Variants in CPQ observed in about 807,000 individuals in gnomAD.
CPQ encodes Ser-Met dipeptidase.
Under a neutral mutation model 45.7 loss-of-function variants are expected in CPQ, and 37 were observed. That is an observed-to-expected ratio of 0.81 (90% CI 0.62 to 1.07). The LOEUF (loss-of-function observed/expected upper bound fraction) is 1.07, where lower values mean the gene tolerates loss of function less well. Among genes scored for constraint, CPQ ranks in the 50% least tolerant of loss-of-function variants. The pLI, the probability that CPQ is intolerant of heterozygous loss-of-function variation, is 0.00. For synonymous variants in CPQ, 186 were observed against 205.8 expected, an observed-to-expected ratio of 0.90 and a Z score of 0.82; for missense variants, 537 against 572.9, an observed-to-expected ratio of 0.94 and a Z score of 0.64.
At chr8:96,671,616 A>G (rs1023450170) in intron 1 of CPQ, among the ~76,000 whole-genome samples, 4 of 152,188 alleles carry the variant, frequency 2.6e-5, no homozygotes, top group African/African-American at 9.7e-5. Flanking sequence ...TTATTGTAAT[A>G]CATTAAATTT....
intron 7 of CPQ, among the ~76,000 whole-genome samples, chr8:97,079,656 A>G (rs1187387303): frequency 6.6e-6 from 1 of 152,188 alleles, no homozygotes; most frequent in Admixed American, 6.5e-5. Flanking sequence ...AGACCCAAGA[A>G]GAACAGAGTA....
At chr8:96,872,371 G>A (rs1226360195) in intron 3 of CPQ, among the ~76,000 whole-genome samples, 1 of 151,888 alleles carries the variant, frequency 6.6e-6, no homozygotes, top group East Asian at 1.9e-4. Flanking sequence ...AAGTTTCAGA[G>A]CATTTGGGAT....
chr8:96,681,634 A>G (rs1809153813), intron 1 of CPQ, among the ~76,000 whole-genome samples: 1 of 152,176 alleles, frequency 6.6e-6, no homozygotes, highest in Non-Finnish European at 1.5e-5. Context: ...CTACTTCAGC[A>G]TTGTCTAGTT....
At chr8:96,950,333 G>A (rs1813242696) in intron 4 of CPQ, among the ~76,000 whole-genome samples, 1 of 152,094 alleles carries the variant, frequency 6.6e-6, no homozygotes, top group Non-Finnish European at 1.5e-5. Flanking sequence ...GAACTTGCTG[G>A]ATTCTGAATC....
At position 96,793,090 on chromosome 8, in the gene CPQ, A is replaced by AATAAGATTTGGAGGG. The variant is rs1228748686; in HGVS notation, c.433+7760_433+7761insATAAGATTTGGAGGG. ...CCTCAATAAGATTTGGGTGGGACAC[A>AATAAGATTTGGAGGG]GCCAAGCCATATACATAATGAATGA... On this transcript the variant is annotated intron_variant, in intron 2 of 7. Transcript: ENST00000220763. 2.0e-5 allele frequency among the ~76,000 whole-genome samples: 3 copies of AATAAGATTTGGAGGG among 152,124 alleles called. No homozygotes were observed. The South Asian group carries it at 6.2e-4, about 32-fold the overall frequency.
At chr8:96,826,988 C>T (rs774121439) in intron 2 of CPQ, among the ~76,000 whole-genome samples, 2 of 151,998 alleles carry the variant, frequency 1.3e-5, no homozygotes, top group Non-Finnish European at 2.9e-5. Context: ...CATAGTATTC[C>T]ACGGTGTATA....
chr8:97,139,272 G>A (rs193094142), intron 7 of CPQ, among the ~76,000 whole-genome samples: 64 of 152,090 alleles, frequency 4.2e-4, no homozygotes, highest in Non-Finnish European at 7.4e-4. Flanking sequence ...CTGGAACTAC[G>A]GAATATTCAA....
At position 97,100,124 on chromosome 8, in the gene CPQ, C is replaced by T. The variant is rs188531328; in HGVS notation, c.1255+33914C>T. ...ATGTGAACACTAAAAGTGGGAACCCCAACTGGAACATAAGTTCCACGAGAG... is the reference window on the plus strand; with the variant it reads ...ATGTGAACACTAAAAGTGGGAACCCTAACTGGAACATAAGTTCCACGAGAG... On this transcript the variant is annotated intron_variant, in intron 7 of 7. Transcript: ENST00000220763. Among the ~76,000 whole-genome samples the T allele has an allele frequency of 2.7e-3, 410 of 152,264 alleles. 5 individuals are homozygous for T. Among genetic ancestry groups the T allele is most frequent in the African/African-American group, 9.5e-3 (394 of 41,558 alleles).
In CPQ at chr8:97,068,180, A is replaced by G. The variant is rs1048880290; in HGVS notation, c.1255+1970A>G. ...TTTTTCCTTCACATGTACGTGTTGTATAAGAATGGTTCTGTTTGGAGTGAT... is the reference window on the plus strand; with the variant it reads ...TTTTTCCTTCACATGTACGTGTTGTGTAAGAATGGTTCTGTTTGGAGTGAT... On this transcript the variant is annotated intron_variant, in intron 7 of 7. Coordinates refer to ENST00000220763, the MANE Select transcript of CPQ (RefSeq NM_016134.4). 2.4e-4 allele frequency among the ~76,000 whole-genome samples: 37 copies of G among 152,170 alleles called. 1 individual carries two copies. Among genetic ancestry groups the G allele is most frequent in the Admixed American group, 2.2e-3 (33 of 15,282 alleles).
chr8:97,119,365 C>T (rs1205694836), intron 7 of CPQ, among the ~76,000 whole-genome samples: 1 of 149,312 alleles, frequency 6.7e-6, no homozygotes, highest in African/African-American at 2.5e-5. Context: ...GTCCAAGATC[C>T]AGGATTCTTT....
intron 1 of CPQ, among the ~76,000 whole-genome samples, chr8:96,771,552 A>C (rs1258432274): frequency 6.6e-6 from 1 of 152,130 alleles, no homozygotes; most frequent in Non-Finnish European, 1.5e-5. Context: ...CAAAAAGTAC[A>C]GTCTGGATGC....
At chr8:97,078,487 T>C (rs192398920) in intron 7 of CPQ, among the ~76,000 whole-genome samples, 154 of 152,268 alleles carry the variant, frequency 1.0e-3, no homozygotes, top group Non-Finnish European at 1.7e-3. Flanking sequence ...GACTATAAAA[T>C]TGCACTTTAC....
At chr8:97,078,763 T>TTCCC (rs1554588163) in intron 7 of CPQ, among the ~76,000 whole-genome samples, 1 of 100,292 alleles carries the variant, frequency 1.0e-5, no homozygotes, top group Non-Finnish European at 2.0e-5. Context: ...TCATTTCCAT[T>TTCCC]TCTCTCTCTC....
At chr8:97,087,216 G>A (rs1022421205) in intron 7 of CPQ, among the ~76,000 whole-genome samples, 4 of 152,160 alleles carry the variant, frequency 2.6e-5, no homozygotes, top group South Asian at 2.1e-4. Flanking sequence ...CATTCTGTGC[G>A]AAAGACTGGG....
At chr8:96,915,065 C>T (rs957528521) in intron 4 of CPQ, among the ~76,000 whole-genome samples, 4 of 152,124 alleles carry the variant, frequency 2.6e-5, no homozygotes, top group Non-Finnish European at 5.9e-5. Flanking sequence ...TTTTACCTGC[C>T]TCACATGACT....
At chr8:97,025,748 C>T (rs370252434) in intron 5 of CPQ, among the ~76,000 whole-genome samples, 19 of 152,196 alleles carry the variant, frequency 1.2e-4, no homozygotes, top group Admixed American at 4.6e-4. Flanking sequence ...TTGTTGTTGT[C>T]GTTGCTTTCC....
intron 1 of CPQ, among the ~76,000 whole-genome samples, chr8:96,690,008 TA>T (rs1270444147): frequency 6.6e-6 from 1 of 152,196 alleles, no homozygotes; most frequent in Non-Finnish European, 1.5e-5. Flanking sequence ...CTGATGGTTT[TA>T]TTTTTCTCTC....
rs548198745 is a variant in CPQ at position 96,684,900 on chromosome 8, C to A, written c.-35+39498C>A. Among the ~76,000 whole-genome samples, 8 of 151,778 alleles carry A rather than the reference C, an allele frequency of 5.3e-5. No homozygotes were observed. The East Asian group carries it at 1.6e-3, about 30-fold the overall frequency. On this transcript the variant is annotated intron_variant, in intron 1 of 7. Coordinates refer to ENST00000220763, the MANE Select transcript of CPQ (RefSeq NM_016134.4). ...GTATCACGAGGTCTGGAGTTCGAGA[C>A]CAGCCTGGTCAACATGGTAAAACTC...
chr8:96,906,454 A>C (rs1239513541), intron 4 of CPQ, among the ~76,000 whole-genome samples: 1 of 152,222 alleles, frequency 6.6e-6, no homozygotes, highest in Non-Finnish European at 1.5e-5. Flanking sequence ...TGGAAATAGA[A>C]GGAAGTATGT....
Sources: gnomAD v4.1 joint callset for allele counts (sites outside exome capture counted in the v4.1 genomes callset) on GRCh38, gnomAD v4.1.1 for gene constraint, MANE v1.5 for transcripts, NCBI Gene and HGNC (gene_info 2026-07-23, HGNC 2026-07-21) for gene names.